The following RTN1 variants were observed in gnomAD, a reference collection of about 807,000 sequenced individuals.
RTN1 encodes reticulon-1.
Under a neutral mutation model 65.5 loss-of-function variants are expected in RTN1, and 25 were observed. That is an observed-to-expected ratio of 0.38 (90% CI 0.28 to 0.53). The LOEUF is 0.53. Among genes scored for constraint, RTN1 ranks in the 20% least tolerant of loss-of-function variants. The pLI is 0.79. For missense variants in RTN1, 983 were observed against 1,025.4 expected (o/e 0.96, Z 0.57); for synonymous variants, 471 against 447.6 (o/e 1.05, Z -0.66).
rs1566701509 is a variant in RTN1 at position 59,727,969 on chromosome 14, T to C, written c.1016-301A>G. Among the ~76,000 whole-genome samples, 1 of 152,194 alleles carries C rather than the reference T, an allele frequency of 6.6e-6. No individual in the cohort carries two copies. The highest frequency in any genetic ancestry group is 1.5e-5 in the Non-Finnish European group (1 of 68,028). On this transcript the variant is annotated intron_variant, in intron 2 of 8. Coordinates refer to ENST00000267484, the MANE Select transcript of RTN1 (RefSeq NM_021136.3). This position sits in a 1 kb window ranked among gnomAD's most constrained non-coding sequence, Gnocchi z 4.2. Reference sequence around the variant, plus strand: ...CAATATCTTAGCAACAGAATCTCAGTTGGTGTTCCTGTTTCAATGCAGAGA... The same window carrying C: ...CAATATCTTAGCAACAGAATCTCAGCTGGTGTTCCTGTTTCAATGCAGAGA...
chr14:59,640,267 A>T (rs1453389535), intron 3 of RTN1, among the ~76,000 whole-genome samples: 1 of 151,978 alleles, frequency 6.6e-6, no homozygotes, highest in South Asian at 2.1e-4. Flanking sequence ...GCTTATGTCA[A>T]TGTTGGTTTT....
intron 1 of RTN1, among the ~76,000 whole-genome samples, chr14:59,799,179 TA>T (rs1192490759): frequency 6.6e-6 from 1 of 152,194 alleles, no homozygotes; most frequent in African/African-American, 2.4e-5. Flanking sequence ...TAAAATTCTT[TA>T]AAAGGACATT....
intron 3 of RTN1, among the ~76,000 whole-genome samples, chr14:59,612,850 G>A (rs1029742253): frequency 1.6e-4 from 24 of 152,220 alleles, no homozygotes; most frequent in African/African-American, 5.5e-4. Context: ...AGCTTTCCAA[G>A]CTTGAAATTT....
At chr14:59,637,842 A>G (rs1006644358) in intron 3 of RTN1, among the ~76,000 whole-genome samples, 12 of 152,042 alleles carry the variant, frequency 7.9e-5, no homozygotes, top group South Asian at 2.1e-4. Flanking sequence ...TTAATATGGC[A>G]GCTATAGACT....
intron 3 of RTN1, among the ~76,000 whole-genome samples, chr14:59,633,668 C>T (rs1882602921): frequency 6.6e-6 from 1 of 152,194 alleles, no homozygotes; most frequent in Non-Finnish European, 1.5e-5. Flanking sequence ...ATCTTTAAAC[C>T]AGTAGAGAAC....
chr14:59,652,787 C>A (rs780781247), intron 3 of RTN1, among the ~76,000 whole-genome samples: 17 of 151,972 alleles, frequency 1.1e-4, no homozygotes, highest in Non-Finnish European at 2.4e-4. Flanking sequence ...CAAACCTGCA[C>A]ATGTACCCCC....
rs372975011 is a variant in RTN1, at chr14:59,603,885, C to T, written c.2149G>A (p.Ala717Thr). 14 of 1,611,474 alleles carry T rather than the reference C, an allele frequency of 8.7e-6. No individual in the cohort carries two copies. Among genetic ancestry groups the T allele is most frequent in the African/African-American group, 1.3e-5 (1 of 74,844 alleles). Residue 717 changes from alanine (A) to threonine (T), a missense_variant, in exon 6 of 9, where the codon GCT becomes ACT. Ala to Thr is a moderately conservative substitution (Grantham distance 58). Around this residue, in one of 2 missense-constraint regions of RTN1, gnomAD observed 165 missense variants for 223.6 expected, o/e 0.74. Transcript: ENST00000267484. The stretch of plus-strand genomic sequence containing the variant: ...AGCAGGGTCAGGCCATTGAAGAGAG[C>T]GCCAACGTAGGTCAGGAGCCACATC... The part of the protein sequence containing the change: ...VLMWLLTYVG[A>T]LFNGLTLLLM...
intron 3 of RTN1, among the ~76,000 whole-genome samples, chr14:59,639,822 T>G (rs1882739791): frequency 1.3e-5 from 2 of 152,198 alleles, no homozygotes; most frequent in African/African-American, 4.8e-5. Context: ...AATATAAAAA[T>G]TACATGCATC....
intron 1 of RTN1, among the ~76,000 whole-genome samples, chr14:59,853,054 C>G (rs761296579): frequency 2.6e-5 from 4 of 152,132 alleles, no homozygotes; most frequent in Non-Finnish European, 2.9e-5. Flanking sequence ...AAACAGTGAT[C>G]TCTATGAGAG....
chr14:59,863,681 G>GC (rs1359607573), intron 1 of RTN1, among the ~76,000 whole-genome samples: 1 of 151,878 alleles, frequency 6.6e-6, no homozygotes, highest in African/African-American at 2.4e-5. Context: ...TCACTCCCCA[G>GC]CCCCACTCTA....
chr14:59,856,014 GT>G (rs970030647), intron 1 of RTN1, among the ~76,000 whole-genome samples: 2 of 152,130 alleles, frequency 1.3e-5, no homozygotes, highest in Non-Finnish European at 2.9e-5. Context: ...TTTTGTGGGT[GT>G]TTTTTGTCTG....
chr14:59,854,022 C>G (rs1474789137), intron 1 of RTN1, among the ~76,000 whole-genome samples: 2 of 151,748 alleles, frequency 1.3e-5, no homozygotes, highest in African/African-American at 4.8e-5. Context: ...GAGCCACCAC[C>G]TCCGGCTAAT....
At chr14:59,674,458 C>T (rs969200787) in intron 3 of RTN1, among the ~76,000 whole-genome samples, 2 of 152,198 alleles carry the variant, frequency 1.3e-5, no homozygotes, top group African/African-American at 2.4e-5. Flanking sequence ...CTTTCAAATG[C>T]TTGGTTTCTA....
At position 59,794,077 on chromosome 14, in the gene RTN1, G is replaced by A. The variant is rs1024439713; in HGVS notation, c.242-47596C>T. On this transcript the variant is annotated intron_variant, in intron 1 of 8. Coordinates refer to ENST00000267484, the MANE Select transcript of RTN1 (RefSeq NM_021136.3). The surrounding 1 kb of genome is among the most constrained non-coding windows in gnomAD (Gnocchi z 5.1). ...GACTGACCCTTCCTCCAGTCCTAGT[G>A]ATGCTGACTGGCTTAAGTTGATCAG... is the stretch of plus-strand genomic sequence containing the variant. Among the ~76,000 whole-genome samples, 1 of 152,130 alleles carries A rather than the reference G, an allele frequency of 6.6e-6. No homozygotes were observed. Among genetic ancestry groups the A allele is most frequent in the South Asian group, 2.1e-4 (1 of 4,832 alleles).
chr14:59,737,535 A>G (rs1885025300), intron 2 of RTN1, among the ~76,000 whole-genome samples: 3 of 152,232 alleles, frequency 2.0e-5, no homozygotes, highest in Admixed American at 6.5e-5. Flanking sequence ...ATGGAAAAAC[A>G]TTCCATGCTC....
At chr14:59,733,226 G>C (rs1884938911) in intron 2 of RTN1, among the ~76,000 whole-genome samples, 1 of 151,994 alleles carries the variant, frequency 6.6e-6, no homozygotes, top group Non-Finnish European at 1.5e-5. Flanking sequence ...AGAGTAGCTG[G>C]GATTACAGGG....
Position 59,606,116 on chromosome 14 carries a change from AT to A in RTN1, c.1974-611del, listed in dbSNP as rs1566658066. On this transcript the variant is annotated intron_variant, in intron 4 of 8. Transcript: ENST00000267484. ...TGGGAAAAACATGATATATATATAT[AT>A]ATATATATATCATACCAGCTTAAGC... 3.9e-5 allele frequency: 4 copies of A among 102,472 alleles called. 1 individual carries two copies. Among genetic ancestry groups the A allele is most frequent in the African/African-American group, 1.4e-4 (4 of 27,776 alleles). The allele number at this position is 102,472 out of a possible 1,614,324, so 6.3% of individuals were successfully genotyped here.
chr14:59,772,237 ATGT>A, intron 1 of RTN1, among the ~76,000 whole-genome samples: 1 of 152,332 alleles, frequency 6.6e-6, no homozygotes, highest in South Asian at 2.1e-4. Context: ...ATTAATCAAC[ATGT>A]TGTTTATACA....
intron 1 of RTN1, among the ~76,000 whole-genome samples, chr14:59,851,180 T>C (rs1255331892): frequency 1.3e-5 from 2 of 152,230 alleles, no homozygotes; most frequent in East Asian, 3.9e-4. Context: ...TATCTTTCAA[T>C]AAACGTTGTG....
Sources: gnomAD v4.1 joint callset for allele counts (sites outside exome capture counted in the v4.1 genomes callset) on GRCh38, gnomAD v4.1.1 for gene constraint, gnomAD v4.1.1 regional missense constraint, Gnocchi (gnomAD v3.1) non-coding constraint, MANE v1.5 for transcripts, NCBI Gene and HGNC (gene_info 2026-07-23, HGNC 2026-07-21) for gene names.